Variants in RAP1GAP2 observed in about 807,000 individuals in gnomAD.
The protein encoded by RAP1GAP2 is RAP1 GTPase activating protein 2.
A neutral mutation model predicts 95.0 loss-of-function variants in RAP1GAP2; 27 were observed. The observed-to-expected ratio is 0.28, with a 90% CI of 0.21 to 0.39. The LOEUF (loss-of-function observed/expected upper bound fraction) is 0.39, where lower values mean the gene tolerates loss of function less well. Among genes scored for constraint, RAP1GAP2 ranks in the 10% least tolerant of loss-of-function variants. RAP1GAP2 has a pLI of 1.00. For synonymous variants in RAP1GAP2, 373 were observed against 380.9 expected, an observed-to-expected ratio of 0.98 and a Z score of 0.24; for missense variants, 771 against 970.0, an observed-to-expected ratio of 0.79 and a Z score of 2.72.
At chr17:2,802,659 C>G (rs571756016) in intron 2 of RAP1GAP2, among the ~76,000 whole-genome samples, 1 of 151,818 alleles carries the variant, frequency 6.6e-6, no homozygotes, top group African/African-American at 2.4e-5. Flanking sequence ...TGCAGTGAGG[C>G]GAGATCGCAC....
At chr17:2,954,227 C>T (rs1001794413) in intron 3 of RAP1GAP2, among the ~76,000 whole-genome samples, 7 of 152,170 alleles carry the variant, frequency 4.6e-5, no homozygotes, top group Non-Finnish European at 1.0e-4. Flanking sequence ...GCCTCAGCCT[C>T]CTGAGTAGCT....
intron 3 of RAP1GAP2, among the ~76,000 whole-genome samples, chr17:2,934,491 T>C (rs546838238): frequency 2.0e-5 from 3 of 152,330 alleles, no homozygotes; most frequent in African/African-American, 7.2e-5. Flanking sequence ...GATTTCCCCA[T>C]TGCGCAGAGA....
chr17:2,914,514 A>G (rs1382309104), intron 3 of RAP1GAP2, among the ~76,000 whole-genome samples: 4 of 151,840 alleles, frequency 2.6e-5, no homozygotes, highest in African/African-American at 7.3e-5. Context: ...TTTTTGAGGC[A>G]GAGTCTCGCT....
At chr17:2,785,225 G>A (rs2068745735) in intron 1 of RAP1GAP2, among the ~76,000 whole-genome samples, 1 of 152,118 alleles carries the variant, frequency 6.6e-6, no homozygotes, top group African/African-American at 2.4e-5. Context: ...TTTAGGGCCT[G>A]CTCTCCTCTG....
At chr17:2,934,392 A>G (rs1179106100) in intron 3 of RAP1GAP2, among the ~76,000 whole-genome samples, 2 of 152,220 alleles carry the variant, frequency 1.3e-5, no homozygotes, top group African/African-American at 4.8e-5. Context: ...TTGGCCTCCC[A>G]AAGTGCTGGG....
At chr17:2,914,961 G>A (rs960432814) in intron 3 of RAP1GAP2, among the ~76,000 whole-genome samples, 18 of 148,784 alleles carry the variant, frequency 1.2e-4, no homozygotes, top group African/African-American at 3.7e-4. Context: ...CCAGCTAATT[G>A]TTTTATTCTC....
chr17:2,943,680 A>AAC (rs2043590383), intron 3 of RAP1GAP2, among the ~76,000 whole-genome samples: 1 of 464 alleles, frequency 2.2e-3, no homozygotes, highest in African/African-American at 8.5e-3. Context: ...CAAACAAACA[A>AAC]AAAAAAACAA....
rs2047464595 is a variant in RAP1GAP2 at position 3,036,319 on chromosome 17, T to G, written c.*2958T>G. Reference sequence around the variant, plus strand: ...TGCTTGAGGTCACACAGCTGGCTGTTGGCAAAGCTGGGATTAGAACCCTCA... The same window carrying G: ...TGCTTGAGGTCACACAGCTGGCTGTGGGCAAAGCTGGGATTAGAACCCTCA... On this transcript the variant is annotated 3_prime_UTR_variant, in exon 25 of 25. Transcript: ENST00000254695. 6.6e-6 allele frequency: 1 copy of G among 152,256 alleles called. No homozygotes were observed. Among genetic ancestry groups the G allele is most frequent in the Non-Finnish European group, 1.5e-5 (1 of 68,046 alleles). 9.4% of individuals were successfully genotyped at this position (152,256 alleles called of 1,614,324 possible). A position where few individuals can be genotyped will look rare whatever the true frequency, so the allele number is the denominator to read the frequency against.
intron 2 of RAP1GAP2, among the ~76,000 whole-genome samples, chr17:2,831,717 A>G (rs1296694834): frequency 2.0e-5 from 3 of 151,804 alleles, no homozygotes; most frequent in East Asian, 1.9e-4. Context: ...GGGCAGCATG[A>G]CAAAACCTCA....
At chr17:2,997,530 C>T (rs962172692) in intron 13 of RAP1GAP2, among the ~76,000 whole-genome samples, 5 of 152,182 alleles carry the variant, frequency 3.3e-5, no homozygotes, top group African/African-American at 9.7e-5. Flanking sequence ...CTTGCCAAGT[C>T]CTGAGTCAGG....
At chr17:2,786,946 C>CTTTTTTTT (rs67990731) in intron 1 of RAP1GAP2, among the ~76,000 whole-genome samples, 6 of 58,270 alleles carry the variant, frequency 1.0e-4, no homozygotes, top group African/African-American at 1.5e-4. Context: ...CGCTCCCAGC[C>CTTTTTTTT]TTTTTTTTTT....
At chr17:2,792,193 A>G (rs1007129995), upstream of RAP1GAP2, among the ~76,000 whole-genome samples, 4 of 152,120 alleles carry the variant, frequency 2.6e-5, no homozygotes, top group African/African-American at 9.7e-5. Flanking sequence ...AATCCTTCCC[A>G]GGGAGCCCAC....
At chr17:2,800,072 G>A (rs2069217885) in intron 1 of RAP1GAP2, 1 of 545,652 alleles carries the variant, frequency 1.8e-6, no homozygotes, top group South Asian at 8.0e-5. Context: ...TCCCAAAGCA[G>A]ACGCCTGGGA....
At chr17:2,833,145 ATT>A (rs201994901) in intron 2 of RAP1GAP2, among the ~76,000 whole-genome samples, 30 of 140,062 alleles carry the variant, frequency 2.1e-4, no homozygotes, top group African/African-American at 2.3e-4. Context: ...GTTCTTGATA[ATT>A]TTTTTTTTTT....
intron 8 of RAP1GAP2, among the ~76,000 whole-genome samples, chr17:2,975,358 T>G (rs2045066173): frequency 6.6e-6 from 1 of 152,206 alleles, no homozygotes; most frequent in African/African-American, 2.4e-5. Flanking sequence ...TATATTCTGC[T>G]TATAAGAGAC....
rs140376170 is a variant in RAP1GAP2 at position 2,814,863 on chromosome 17, C to T, written c.80+14313C>T. ...CTGGGGTGTTGGGGGGGAGGGTTGA[C>T]GGCAGCCATTGCCCCTTTCTTCGGT... On this transcript the variant is annotated intron_variant, in intron 2 of 24. Coordinates refer to ENST00000254695, the MANE Select transcript of RAP1GAP2 (RefSeq NM_015085.5). Among the ~76,000 whole-genome samples the T allele has an allele frequency of 6.4e-3, 974 of 152,238 alleles. 10 individuals carry two copies. The highest frequency in any genetic ancestry group is 0.022 in the African/African-American group (912 of 41,550).
intron 4 of RAP1GAP2, chr17:2,962,389 T>C (rs1419734132): frequency 2.3e-6 from 1 of 442,456 alleles, no homozygotes; most frequent in Non-Finnish European, 4.0e-6. Flanking sequence ...CAGAGAGGTT[T>C]CTGTGACTTG....
At chr17:3,028,285 C>A (rs985945865) in intron 22 of RAP1GAP2, among the ~76,000 whole-genome samples, 6 of 151,886 alleles carry the variant, frequency 4.0e-5, no homozygotes, top group African/African-American at 1.2e-4. Context: ...CGGTTCTGAG[C>A]CGGGGGCAGT....
chr17:2,759,811 T>A (rs907972293), intron 1 of RAP1GAP2, among the ~76,000 whole-genome samples: 1 of 152,138 alleles, frequency 6.6e-6, no homozygotes, highest in Non-Finnish European at 1.5e-5. Context: ...GGTCTGAAAC[T>A]CCTGGCTCAA....
Sources: gnomAD v4.1 joint callset for allele counts (sites outside exome capture counted in the v4.1 genomes callset) on GRCh38, gnomAD v4.1.1 for gene constraint, MANE v1.5 for transcripts, NCBI Gene and HGNC (gene_info 2026-07-23, HGNC 2026-07-21) for gene names.